Variants in GRIK4 observed in about 807,000 individuals in gnomAD.
The protein encoded by GRIK4 is glutamate receptor ionotropic, kainate 4.
In GRIK4, 40 loss-of-function variants were observed where a neutral mutation model predicts 104.9. The observed-to-expected ratio is 0.38, with a 90% CI of 0.30 to 0.50. The LOEUF (loss-of-function observed/expected upper bound fraction) is 0.50, where lower values mean the gene tolerates loss of function less well. GRIK4 is among the 20% of genes least tolerant of loss of function. The probability of loss-of-function intolerance (pLI) is 0.93; values close to 1 mark genes in which losing one functional copy is unlikely to be tolerated. For synonymous variants in GRIK4, 485 were observed against 524.9 expected, an observed-to-expected ratio of 0.92 and a Z score of 1.04; for missense variants, 1,047 against 1,308.1, an observed-to-expected ratio of 0.80 and a Z score of 3.08.
chr11:120,776,306 C>T (rs58174358), intron 3 of GRIK4, among the ~76,000 whole-genome samples: 17,907 of 152,190 alleles, frequency 0.12, 2,351 homozygotes, highest in African/African-American at 0.33. Flanking sequence ...CCCCAGGAGC[C>T]GGAGGAAGGG....
chr11:120,967,054 G>A lies in GRIK4; in HGVS notation c.2267-141G>A, dbSNP rs1261196139. 2.6e-5 allele frequency: 23 copies of A among 889,288 alleles called. No individual in the cohort carries two copies. The highest frequency in any genetic ancestry group is 5.5e-5 in the Admixed American group (2 of 36,288). The allele number at this position is 889,288 out of a possible 1,614,324, so 55.1% of individuals were successfully genotyped here. ...TAGACAGCACTGGCCCCATGGGCTC[G>A]CCCCACCCGCTGCATCTGTCTGTCC... On this transcript the variant is annotated intron_variant, in intron 18 of 20. Coordinates refer to ENST00000527524, the MANE Select transcript of GRIK4 (RefSeq NM_014619.5). This position sits in a 1 kb window ranked among gnomAD's most constrained non-coding sequence, Gnocchi z 4.2.
intron 13 of GRIK4, chr11:120,936,356 G>A (rs2134628737): frequency 2.1e-6 from 1 of 467,826 alleles, no homozygotes; most frequent in Non-Finnish European, 4.2e-6. Flanking sequence ...ACAAGATGAA[G>A]GTCAAAGGAG....
chr11:120,799,279 A>G (rs1952580568), intron 3 of GRIK4, among the ~76,000 whole-genome samples: 1 of 152,232 alleles, frequency 6.6e-6, no homozygotes, highest in African/African-American at 2.4e-5. Context: ...AGCTGCCTCC[A>G]TGGTCTGAAC....
intron 13 of GRIK4, among the ~76,000 whole-genome samples, chr11:120,925,396 G>C (rs1462813340): frequency 2.0e-5 from 3 of 152,178 alleles, no homozygotes; most frequent in Non-Finnish European, 4.4e-5. Flanking sequence ...GATCACGCCT[G>C]GAACCCATAG....
chr11:120,982,310 G>A (rs1944666043), intron 20 of GRIK4, 86 bp downstream of exon 20: 12 of 773,016 alleles, frequency 1.6e-5, no homozygotes, highest in South Asian at 1.1e-4. Context: ...TATTTCAGAC[G>A]CTTACCACAG....
At chr11:120,976,862 G>A (rs1371626869) in intron 19 of GRIK4, among the ~76,000 whole-genome samples, 2 of 152,092 alleles carry the variant, frequency 1.3e-5, no homozygotes, top group Non-Finnish European at 2.9e-5. Context: ...CTGTATTTTA[G>A]TTGCAGATTT....
At chr11:120,616,489 A>T (rs1949116106) in intron 1 of GRIK4, among the ~76,000 whole-genome samples, 1 of 152,202 alleles carries the variant, frequency 6.6e-6, no homozygotes, top group African/African-American at 2.4e-5. Context: ...CGGAAGCTGG[A>T]TACTTTGGTC....
intron 3 of GRIK4, among the ~76,000 whole-genome samples, chr11:120,731,593 G>A (rs1832041054): frequency 6.6e-6 from 1 of 152,144 alleles, no homozygotes; most frequent in Non-Finnish European, 1.5e-5. Context: ...AATGAGTTTG[G>A]AAGTATTCCC....
chr11:120,948,578 G>A (rs1450020070), intron 14 of GRIK4, among the ~76,000 whole-genome samples: 1 of 152,188 alleles, frequency 6.6e-6, no homozygotes, highest in Admixed American at 6.5e-5. Flanking sequence ...GAGCCCTGGA[G>A]GAACTCTCAT....
chr11:120,663,384 A>G (rs1591782017), intron 3 of GRIK4, among the ~76,000 whole-genome samples: 2 of 152,308 alleles, frequency 1.3e-5, no homozygotes, highest in Admixed American at 1.3e-4. Context: ...GGCAGCTGAC[A>G]CTGGTGCTGG....
At chr11:120,673,409 A>G (rs1950051610) in intron 3 of GRIK4, among the ~76,000 whole-genome samples, 1 of 152,202 alleles carries the variant, frequency 6.6e-6, no homozygotes. Context: ...AGGACTGTGC[A>G]GTGATGCTGC....
chr11:120,732,203 T>C (rs929687236), intron 3 of GRIK4, among the ~76,000 whole-genome samples: 1 of 152,176 alleles, frequency 6.6e-6, no homozygotes, highest in African/African-American at 2.4e-5. Flanking sequence ...GCATTCTTGG[T>C]TCACTGCAAC....
At chr11:120,925,454 A>G (rs1453922029) in intron 13 of GRIK4, among the ~76,000 whole-genome samples, 2 of 152,118 alleles carry the variant, frequency 1.3e-5, no homozygotes, top group Non-Finnish European at 2.9e-5. Context: ...GCCCTTGCTC[A>G]TTAGTTCAGG....
intron 3 of GRIK4, among the ~76,000 whole-genome samples, chr11:120,719,776 C>G (rs1456823972): frequency 6.6e-6 from 1 of 152,144 alleles, no homozygotes. Context: ...AAATAGAAAG[C>G]TAAGCAACAA....
chr11:120,921,181 T>C (rs1386917355), intron 13 of GRIK4, among the ~76,000 whole-genome samples: 1 of 152,202 alleles, frequency 6.6e-6, no homozygotes, highest in East Asian at 1.9e-4. Context: ...TCAAAGAAAT[T>C]ATTACTGTCT....
intron 1 of GRIK4, among the ~76,000 whole-genome samples, chr11:120,634,744 G>T (rs2135189021): frequency 6.6e-6 from 1 of 152,228 alleles, no homozygotes; most frequent in South Asian, 2.1e-4. Flanking sequence ...GGTTCCTTGT[G>T]GGAGTTCTCA....
intron 4 of GRIK4, among the ~76,000 whole-genome samples, chr11:120,814,425 C>A (rs547063942): frequency 6.4e-4 from 97 of 152,194 alleles, no homozygotes; most frequent in African/African-American, 2.3e-3. Flanking sequence ...CATGGTGAAA[C>A]CCCGTCGCTA....
intron 1 of GRIK4, among the ~76,000 whole-genome samples, chr11:120,617,992 G>A (rs1409123319): frequency 6.6e-6 from 1 of 152,192 alleles, no homozygotes; most frequent in Non-Finnish European, 1.5e-5. Context: ...TGGGTAATAG[G>A]CAGAGGCTGA....
chr11:120,694,580 G>T (rs1950412354), intron 3 of GRIK4, among the ~76,000 whole-genome samples: 1 of 152,102 alleles, frequency 6.6e-6, no homozygotes, highest in Non-Finnish European at 1.5e-5. Context: ...TGCTCTGGGG[G>T]GCATAGTTTG....
Sources: allele counts gnomAD v4.1 joint callset (sites outside exome capture counted in the v4.1 genomes callset), GRCh38; gene constraint gnomAD v4.1.1; non-coding constraint Gnocchi (gnomAD v3.1); transcripts MANE v1.5; gene names NCBI Gene and HGNC (gene_info 2026-07-23, HGNC 2026-07-21).